The following TRMT9B variants were observed in gnomAD, a reference collection of about 807,000 sequenced individuals.
The protein encoded by TRMT9B is probable tRNA methyltransferase 9B.
TRMT9B carries 16 observed loss-of-function variants against 11.5 expected under a neutral mutation model. That is an observed-to-expected ratio of 1.39 (90% CI 0.94 to 2.11). The LOEUF is 2.11. Ranked by LOEUF, TRMT9B falls within the 30% of genes most tolerant of loss-of-function variation. TRMT9B has a pLI of 0.00. For missense variants in TRMT9B, 941 were observed against 553.8 expected, an observed-to-expected ratio of 1.70 and a Z score of -7.02; for synonymous variants, 274 against 192.4, an observed-to-expected ratio of 1.42 and a Z score of -3.51.
chr8:13,009,020 G>C (rs189362489), intron 3 of TRMT9B, among the ~76,000 whole-genome samples: 3 of 152,020 alleles, frequency 2.0e-5, no homozygotes, highest in African/African-American at 7.3e-5. Context: ...GAGCCACCGC[G>C]CCCGGCCGGT....
intron 1 of TRMT9B, among the ~76,000 whole-genome samples, chr8:12,947,134 C>A (rs1187286073): frequency 6.6e-6 from 1 of 152,168 alleles, no homozygotes; most frequent in African/African-American, 2.4e-5. Context: ...TCCATTCTGA[C>A]TGGGTCACTG....
At chr8:12,977,498 C>T (rs1286241783) in intron 1 of TRMT9B, among the ~76,000 whole-genome samples, 1 of 151,906 alleles carries the variant, frequency 6.6e-6, no homozygotes, top group Non-Finnish European at 1.5e-5. Flanking sequence ...GTCGAGAAAT[C>T]GAGACCATCC....
chr8:12,992,013 C>T (rs995352563), intron 2 of TRMT9B, among the ~76,000 whole-genome samples: 13 of 152,154 alleles, frequency 8.5e-5, no homozygotes, highest in African/African-American at 2.9e-4. Flanking sequence ...TCTTGCTTTC[C>T]TCCAAGTGCC....
intron 4 of TRMT9B, among the ~76,000 whole-genome samples, chr8:13,018,133 G>A (rs1392330736): frequency 2.0e-5 from 3 of 150,096 alleles, no homozygotes; most frequent in African/African-American, 4.9e-5. Flanking sequence ...CAGGCGTGGT[G>A]GTTCATGCCT....
intron 4 of TRMT9B, among the ~76,000 whole-genome samples, chr8:13,019,049 C>A (rs10109178): frequency 0.63 from 95,132 of 151,650 alleles, 32,130 homozygotes; most frequent in East Asian, 0.75. Flanking sequence ...CAAGTTGCCC[C>A]TCTGCATTCG....
At chr8:12,987,384 A>C (rs1053357686) in intron 1 of TRMT9B, among the ~76,000 whole-genome samples, 2 of 152,158 alleles carry the variant, frequency 1.3e-5, no homozygotes, top group African/African-American at 2.4e-5. Flanking sequence ...TAAGTTGAAA[A>C]TATTATAAGT....
intron 3 of TRMT9B, 175 bp downstream of exon 3, chr8:13,006,531 C>A (rs71522321): frequency 1.0e-5 from 15 of 1,437,848 alleles, no homozygotes; most frequent in Non-Finnish European, 1.4e-5. Context: ...TTGCTTTTCA[C>A]ATTGATTTTT....
intron 1 of TRMT9B, chr8:12,951,290 C>G (rs1283010167): frequency 1.3e-5 from 2 of 152,438 alleles, no homozygotes; most frequent in Non-Finnish European, 2.9e-5. Context: ...CCCAATGAAC[C>G]GACCCCGAGG....
intron 1 of TRMT9B, chr8:12,952,077 GT>G (rs1563298907): frequency 2.6e-6 from 1 of 382,100 alleles, no homozygotes; most frequent in Non-Finnish European, 5.3e-6. Flanking sequence ...AGGGGTGGAA[GT>G]TACACCTGGT....
chr8:13,019,108 T>A (rs1341868673), intron 4 of TRMT9B, among the ~76,000 whole-genome samples: 1 of 152,128 alleles, frequency 6.6e-6, no homozygotes, highest in Admixed American at 6.6e-5. Flanking sequence ...GGGATTACAA[T>A]TTGGGGAGTA....
At chr8:12,955,678 C>G (rs1801206347) in intron 1 of TRMT9B, among the ~76,000 whole-genome samples, 2 of 152,160 alleles carry the variant, frequency 1.3e-5, no homozygotes, top group Admixed American at 6.5e-5. Flanking sequence ...TCATTTCTAC[C>G]TTCTCTTTCT....
chr8:13,010,287 AT>A lies in TRMT9B; in HGVS notation c.155-2396del, dbSNP rs1404694433. 18 of 923,066 alleles carry A rather than the reference AT, an allele frequency of 2.0e-5. No homozygotes were observed. The African/African-American group carries it at 2.5e-4, about 13-fold the overall frequency. 57.2% of individuals were successfully genotyped at this position (923,066 alleles called of 1,614,324 possible). ...TTTAAACTATTCAATAAATAGGGTCATATTTTCATTGCAAAATGAAAGATGC... is the reference window on the plus strand; with the variant it reads ...TTTAAACTATTCAATAAATAGGGTCAATTTTCATTGCAAAATGAAAGATGC... On this transcript the variant is annotated intron_variant, in intron 3 of 4. Coordinates refer to ENST00000524591, the MANE Select transcript of TRMT9B (RefSeq NM_020844.3).
chr8:13,007,426 T>C (rs1810687388), intron 3 of TRMT9B: 1 of 152,212 alleles, frequency 6.6e-6, no homozygotes, highest in Non-Finnish European at 1.5e-5. Context: ...AAAACTGCGT[T>C]CTAGCAATTG....
At chr8:12,949,296 G>A (rs1800423737) in intron 1 of TRMT9B, among the ~76,000 whole-genome samples, 2 of 151,894 alleles carry the variant, frequency 1.3e-5, no homozygotes, top group South Asian at 4.2e-4. Context: ...CACAAATAAT[G>A]AGAAAATAAT....
At chr8:13,002,349 G>C (rs1057193704) in intron 2 of TRMT9B, among the ~76,000 whole-genome samples, 3 of 152,166 alleles carry the variant, frequency 2.0e-5, no homozygotes, top group African/African-American at 7.2e-5. Context: ...CCTTGAGAAA[G>C]GGGAAACGTA....
intron 3 of TRMT9B, chr8:13,011,508 G>C: frequency 1.0e-6 from 1 of 968,964 alleles, no homozygotes; most frequent in Non-Finnish European, 1.2e-6. Flanking sequence ...ACAAATATAG[G>C]CTCTAATGAT....
intron 1 of TRMT9B, chr8:12,952,266 T>G (rs1264391770): frequency 7.3e-6 from 3 of 409,712 alleles, no homozygotes; most frequent in African/African-American, 2.1e-5. Flanking sequence ...GCGCCCTAGA[T>G]CCGCTGCCTC....
At chr8:12,951,021 A>G (rs1338675179) in intron 1 of TRMT9B, among the ~76,000 whole-genome samples, 1 of 152,318 alleles carries the variant, frequency 6.6e-6, no homozygotes, top group East Asian at 1.9e-4. Context: ...GAGTTGTTTG[A>G]TAATAGGCGG....
intron 2 of TRMT9B, among the ~76,000 whole-genome samples, chr8:13,003,717 G>A (rs1809886330): frequency 6.6e-6 from 1 of 151,610 alleles, no homozygotes; most frequent in Non-Finnish European, 1.5e-5. Flanking sequence ...TAAGAACTGA[G>A]GGGGATAGTG....
Sources: allele counts gnomAD v4.1 joint callset (sites outside exome capture counted in the v4.1 genomes callset), GRCh38; gene constraint gnomAD v4.1.1; transcripts MANE v1.5; gene names NCBI Gene and HGNC (gene_info 2026-07-23, HGNC 2026-07-21).